The following GRID2 variants were observed in gnomAD, a reference collection of about 807,000 sequenced individuals.
The protein encoded by GRID2 is glutamate ionotropic receptor delta type subunit 2, also known as glutamate receptor ionotropic, delta-2.
In GRID2, 33 loss-of-function variants were observed where a neutral mutation model predicts 114.8. That is an observed-to-expected ratio of 0.29 (90% CI 0.22 to 0.38). The LOEUF (loss-of-function observed/expected upper bound fraction) is 0.38, where lower values mean the gene tolerates loss of function less well. Ranked by LOEUF, GRID2 falls within the 10% of genes least tolerant of loss-of-function variation. The pLI is 1.00. For missense variants in GRID2, 1,184 were observed against 1,257.7 expected (o/e 0.94, Z 0.89); for synonymous variants, 505 against 449.9 (o/e 1.12, Z -1.55).
chr4:92,941,849 G>A (rs955900671), intron 2 of GRID2, among the ~76,000 whole-genome samples: 1 of 152,246 alleles, frequency 6.6e-6, no homozygotes, highest in South Asian at 2.1e-4. Context: ...TCAGGAGCAG[G>A]TTGCTCAATT....
intron 1 of GRID2, among the ~76,000 whole-genome samples, chr4:92,341,729 A>C (rs1030492321): frequency 6.6e-6 from 1 of 151,946 alleles, no homozygotes; most frequent in South Asian, 2.1e-4. Flanking sequence ...TGGCTAACGC[A>C]CGGTGAAACC....
intron 2 of GRID2, among the ~76,000 whole-genome samples, chr4:92,906,026 TTGGAGAGTTAA>T (rs1747926794): frequency 6.6e-6 from 1 of 152,086 alleles, no homozygotes; most frequent in African/African-American, 2.4e-5. Flanking sequence ...AATAAAAATA[TTGGAGAGTTAA>T]TTTATATACT....
chr4:92,526,091 T>A (rs891128477), intron 1 of GRID2, among the ~76,000 whole-genome samples: 5 of 151,434 alleles, frequency 3.3e-5, no homozygotes, highest in African/African-American at 1.2e-4. Flanking sequence ...GGAACAAGTC[T>A]CAAATAGATG....
exon 2 of GRID2, chr4:93,807,811 A>T (rs978598166): frequency 6.6e-6 from 1 of 152,226 alleles, no homozygotes; most frequent in Admixed American, 6.5e-5. Context: ...ACTATGTGCC[A>T]AGCACTGTAT....
At chr4:93,139,967 T>G (rs1001485819) in intron 4 of GRID2, among the ~76,000 whole-genome samples, 1 of 152,066 alleles carries the variant, frequency 6.6e-6, no homozygotes, top group African/African-American at 2.4e-5. Context: ...GCACATAGCA[T>G]ATAAAGGAAG....
intron 1 of GRID2, among the ~76,000 whole-genome samples, chr4:93,796,170 C>G (rs1734796370): frequency 6.6e-6 from 1 of 152,100 alleles, no homozygotes. Context: ...GGCCCAGTCC[C>G]TTTGAAGGGA....
intron 2 of GRID2, among the ~76,000 whole-genome samples, chr4:92,685,342 AC>A (rs1477409254): frequency 1.3e-5 from 2 of 152,052 alleles, no homozygotes; most frequent in Non-Finnish European, 2.9e-5. Flanking sequence ...ACAGGTAAAT[AC>A]AAGTGAAAGA....
intron 1 of GRID2, among the ~76,000 whole-genome samples, chr4:92,329,498 T>C (rs564949860): frequency 2.6e-5 from 4 of 152,164 alleles, no homozygotes; most frequent in African/African-American, 9.6e-5. Context: ...TAAGATAAAA[T>C]TGGCAGAAAA....
chr4:93,757,201 G>A (rs983527772), intron 14 of GRID2, among the ~76,000 whole-genome samples: 1 of 152,102 alleles, frequency 6.6e-6, no homozygotes. Context: ...CTGCCCTCAA[G>A]GAGGCTAACA....
intron 7 of GRID2, among the ~76,000 whole-genome samples, chr4:93,225,478 G>T (rs1745381785): frequency 6.6e-6 from 1 of 152,078 alleles, no homozygotes; most frequent in South Asian, 2.1e-4. Context: ...AAAATGAAAT[G>T]ATTAATAAAA....
chr4:92,693,495 G>A (rs948603091), intron 2 of GRID2, among the ~76,000 whole-genome samples: 11 of 152,228 alleles, frequency 7.2e-5, no homozygotes, highest in Non-Finnish European at 1.3e-4. Flanking sequence ...ATTTTCTCAC[G>A]TAATAACTTG....
At chr4:93,362,929 C>T (rs2149277582) in intron 8 of GRID2, among the ~76,000 whole-genome samples, 1 of 152,202 alleles carries the variant, frequency 6.6e-6, no homozygotes, top group Middle Eastern at 3.4e-3. Context: ...TTAAAATTTC[C>T]TTACCTGCAG....
At chr4:93,017,309 TA>T (rs1451804478) in intron 2 of GRID2, among the ~76,000 whole-genome samples, 1 of 152,170 alleles carries the variant, frequency 6.6e-6, no homozygotes, top group Non-Finnish European at 1.5e-5. Flanking sequence ...AGATTCTAAA[TA>T]GCCAATTTGT....
intron 1 of GRID2, among the ~76,000 whole-genome samples, chr4:92,549,511 T>A (rs1225341097): frequency 6.6e-6 from 1 of 152,160 alleles, no homozygotes; most frequent in African/African-American, 2.4e-5. Context: ...CTCTGAACTC[T>A]GTGATTCCCA....
chr4:92,790,885 G>A (rs1316287737), intron 2 of GRID2, among the ~76,000 whole-genome samples: 3 of 151,690 alleles, frequency 2.0e-5, no homozygotes, highest in Admixed American at 6.6e-5. Flanking sequence ...GGCAAGCACC[G>A]GGGCACAGGA....
chr4:93,038,534 T>C (rs1725151152), intron 2 of GRID2, among the ~76,000 whole-genome samples: 1 of 152,128 alleles, frequency 6.6e-6, no homozygotes. Context: ...CTCACGCCTG[T>C]AATCTCAGCA....
intron 12 of GRID2, among the ~76,000 whole-genome samples, chr4:93,505,724 A>T (rs1241550731): frequency 6.6e-6 from 1 of 150,970 alleles, no homozygotes; most frequent in African/African-American, 2.4e-5. Context: ...TATATACCAA[A>T]TATTTGTTTA....
intron 2 of GRID2, among the ~76,000 whole-genome samples, chr4:92,903,898 G>C (rs979620553): frequency 6.6e-5 from 10 of 151,786 alleles, no homozygotes; most frequent in African/African-American, 1.9e-4. Flanking sequence ...ACAATGGGAG[G>C]GTGTTGGAGA....
chr4:93,461,473 T>C (rs1723733523), intron 11 of GRID2, among the ~76,000 whole-genome samples: 3 of 152,108 alleles, frequency 2.0e-5, no homozygotes, highest in South Asian at 2.1e-4. Flanking sequence ...GCAGTCTTCA[T>C]TGAGCCACTA....
Sources: allele counts gnomAD v4.1 joint callset (sites outside exome capture counted in the v4.1 genomes callset), GRCh38; gene constraint gnomAD v4.1.1; transcripts MANE v1.5; gene names NCBI Gene and HGNC (gene_info 2026-07-23, HGNC 2026-07-21).